SMARCA2: variants seen among roughly 807,000 people sequenced by gnomAD.
SMARCA2 encodes the protein SWI/SNF-related matrix-associated actin-dependent regulator of chromatin subfamily A member 2.
SMARCA2 carries 61 observed loss-of-function variants against 199.8 expected under a neutral mutation model. That is an observed-to-expected ratio of 0.31 (90% CI 0.25 to 0.38). The LOEUF (loss-of-function observed/expected upper bound fraction) is 0.38, where lower values mean the gene tolerates loss of function less well. Among genes scored for constraint, SMARCA2 ranks in the 10% least tolerant of loss-of-function variants. SMARCA2 has a pLI of 1.00. For synonymous variants in SMARCA2, 935 were observed against 732.0 expected (o/e 1.28, Z -4.48); for missense variants, 1,344 against 2,012.2 (o/e 0.67, Z 6.35).
chr9:2,168,182 T>A (rs1197805206), intron 28 of SMARCA2, among the ~76,000 whole-genome samples: 1 of 152,082 alleles, frequency 6.6e-6, no homozygotes, highest in Non-Finnish European at 1.5e-5. Context: ...TGGCTAATTT[T>A]GTATTTTTGG....
At position 2,039,884 on chromosome 9, in the gene SMARCA2, C is replaced by G. The variant is rs1819527453; in HGVS notation, c.774C>G (p.Asn258Lys). 1 of 1,613,782 alleles carries G rather than the reference C, an allele frequency of 6.2e-7. No individual in the cohort carries two copies. The highest frequency in any genetic ancestry group is 8.5e-7 in the Non-Finnish European group (1 of 1,180,000). Reference protein sequence around the residue: ...TQQQQQPALVNYNRPSGPGPE... With the variant: ...TQQQQQPALVKYNRPSGPGPE... ...AACAACAGCAGCCGGCCCTTGTTAACTACAACAGACCATCTGGTAGGTTAA... is the reference window on the plus strand; with the variant it reads ...AACAACAGCAGCCGGCCCTTGTTAAGTACAACAGACCATCTGGTAGGTTAA... Residue 258 changes from asparagine to lysine, a missense_variant, in exon 4 of 34, where the codon AAC becomes AAG. Transcript: ENST00000349721. The surrounding 1 kb of genome is among the most constrained non-coding windows in gnomAD (Gnocchi z 4.8).
chr9:2,154,225 C>T (rs1825222085), intron 27 of SMARCA2, among the ~76,000 whole-genome samples: 1 of 152,186 alleles, frequency 6.6e-6, no homozygotes, highest in African/African-American at 2.4e-5. Flanking sequence ...CACTGAGTGG[C>T]TGTCAACACA....
At chr9:2,188,851 G>C (rs757510951) in intron 32 of SMARCA2, among the ~76,000 whole-genome samples, 1 of 152,110 alleles carries the variant, frequency 6.6e-6, no homozygotes, top group South Asian at 2.1e-4. Flanking sequence ...TCTTGTGTTC[G>C]TAGAAACAAA....
Position 2,101,545 on chromosome 9 carries a change from T to A in SMARCA2, c.3079-25T>A, listed in dbSNP as rs10738570. 265,713 of 1,312,434 alleles carry A rather than the reference T, an allele frequency of 0.2. 30,965 individuals are homozygous for A. Among genetic ancestry groups the A allele is most frequent in the African/African-American group, 0.47 (30,771 of 65,980 alleles). The allele number at this position is 1,312,434 out of a possible 1,614,324, so 81.3% of individuals were successfully genotyped here. ...TTAATAATTACATTTTTTAAAATCA[T>A]TCTTTCTATCTCTCTCTTTTAAAGG... On this transcript the variant is annotated intron_variant, in intron 21 of 33. Coordinates refer to ENST00000349721, the MANE Select transcript of SMARCA2 (RefSeq NM_003070.5).
At position 2,039,548 on chromosome 9, in the gene SMARCA2, T is replaced by C. The variant is rs1014786584; in HGVS notation, c.438T>C (p.Pro146=). 2 of 1,614,108 alleles carry C rather than the reference T, an allele frequency of 1.2e-6. No individual in the cohort carries two copies. The highest frequency in any genetic ancestry group is 8.5e-7 in the Non-Finnish European group (1 of 1,180,014). ...TGTCTGGAGGAGGCCCAACTCCACC[T>C]CAGATGCCACCAAGCCAGCCGGGGG... The part of the protein sequence containing the change: ...SPMSGGGPTP[P]QMPPSQPGAL... The change falls in exon 4 of 34, where the codon CCT becomes CCC. Residue 146 remains proline, a synonymous_variant. Coordinates refer to ENST00000349721, the MANE Select transcript of SMARCA2 (RefSeq NM_003070.5). The surrounding 1 kb of genome is among the most constrained non-coding windows in gnomAD (Gnocchi z 4.8).
intron 27 of SMARCA2, among the ~76,000 whole-genome samples, chr9:2,137,117 C>T (rs982688234): frequency 1.9e-4 from 29 of 152,314 alleles, no homozygotes; most frequent in African/African-American, 7.0e-4. Context: ...AAATGTACAG[C>T]ACGGCCCATT....
intron 27 of SMARCA2, among the ~76,000 whole-genome samples, chr9:2,124,819 AGGG>A (rs1823616771): frequency 6.6e-6 from 1 of 152,126 alleles, no homozygotes; most frequent in African/African-American, 2.4e-5. Flanking sequence ...TTCCATTCGA[AGGG>A]TTAGCTCTAC....
intron 27 of SMARCA2, among the ~76,000 whole-genome samples, chr9:2,149,387 G>A (rs777172871): frequency 6.6e-6 from 1 of 151,278 alleles, no homozygotes; most frequent in Non-Finnish European, 1.5e-5. Flanking sequence ...AGGCATGATG[G>A]TGGGTGCCCG....
intron 12 of SMARCA2, among the ~76,000 whole-genome samples, chr9:2,074,499 C>G (rs993850829): frequency 2.0e-5 from 3 of 152,126 alleles, no homozygotes; most frequent in Non-Finnish European, 2.9e-5. Context: ...CCAAATTAGT[C>G]TTCCATGAGC....
chr9:2,100,935 G>A (rs941954500), intron 21 of SMARCA2, among the ~76,000 whole-genome samples: 8 of 151,972 alleles, frequency 5.3e-5, no homozygotes, highest in Non-Finnish European at 1.0e-4. Context: ...TGAAAGGAAC[G>A]TCTTACATGG....
At chr9:2,184,030 T>C (rs953381761) in intron 31 of SMARCA2, among the ~76,000 whole-genome samples, 3 of 152,204 alleles carry the variant, frequency 2.0e-5, no homozygotes, top group Admixed American at 6.5e-5. Context: ...TTTGTCTTTC[T>C]CTAGCCACCT....
intron 27 of SMARCA2, among the ~76,000 whole-genome samples, chr9:2,155,535 C>T (rs1345020410): frequency 6.6e-6 from 1 of 152,090 alleles, no homozygotes; most frequent in Non-Finnish European, 1.5e-5. Flanking sequence ...CCCGCCTTGG[C>T]CTCCCAAAGT....
At position 2,192,755 on chromosome 9, in the gene SMARCA2, T is replaced by C. The variant is rs768982865; in HGVS notation, c.*16T>C. 1.9e-6 allele frequency: 3 copies of C among 1,595,010 alleles called. No homozygotes were observed. The highest frequency in any genetic ancestry group is 1.7e-6 in the Non-Finnish European group (2 of 1,162,690). On this transcript the variant is annotated 3_prime_UTR_variant, in exon 34 of 34. Coordinates refer to ENST00000349721, the MANE Select transcript of SMARCA2 (RefSeq NM_003070.5). ...TGATGAGTGATCAGTATGGACCTTT[T>C]TCCTTGGTAGAACTGAATTCCTTCC...
rs561759893 is a variant in SMARCA2 at position 2,091,768 on chromosome 9, T to C, written c.2883+3155T>C. On this transcript the variant is annotated intron_variant, in intron 19 of 33. Transcript: ENST00000349721. The stretch of plus-strand genomic sequence containing the variant: ...TCCACATTCTCATTAGTGCTTGCTA[T>C]TGTCAGTTTTTCAAGATTTTTAGCC... Among the ~76,000 whole-genome samples the C allele has an allele frequency of 3.1e-3, 478 of 152,310 alleles. 2 individuals carry two copies. Among genetic ancestry groups the C allele is most frequent in the African/African-American group, 0.011 (445 of 41,560 alleles).
chr9:2,038,984 T>C (rs1293542599), intron 3 of SMARCA2, among the ~76,000 whole-genome samples: 1 of 152,240 alleles, frequency 6.6e-6, no homozygotes, highest in African/African-American at 2.4e-5. Flanking sequence ...TACCATTCAG[T>C]ACTGTCCCTT....
Position 2,097,382 on chromosome 9 carries a change from T to C in SMARCA2, c.2992-3T>C. On this transcript the variant is annotated splice_polypyrimidine_tract_variant and splice_region_variant and intron_variant, in intron 20 of 33. Coordinates refer to ENST00000349721, the MANE Select transcript of SMARCA2 (RefSeq NM_003070.5). ...CTATTTTTCCCTTTCCACTGGTTCT[T>C]AGGGGAAAGGAGGTGCTAAGACACT... 6.3e-7 allele frequency: 1 copy of C among 1,587,264 alleles called. No homozygotes were observed. The highest frequency in any genetic ancestry group is 8.6e-7 in the Non-Finnish European group (1 of 1,157,486).
chr9:2,093,160 G>A (rs896997342), intron 19 of SMARCA2, among the ~76,000 whole-genome samples: 3 of 152,282 alleles, frequency 2.0e-5, no homozygotes, highest in East Asian at 3.9e-4. Flanking sequence ...CTGAATAATA[G>A]TGTGGCAATG....
At chr9:2,018,930 C>G (rs573441481) in intron 1 of SMARCA2, among the ~76,000 whole-genome samples, 1 of 152,188 alleles carries the variant, frequency 6.6e-6, no homozygotes, top group African/African-American at 2.4e-5. Context: ...TGTTAAGAGG[C>G]GTGGCAGATT....
intron 23 of SMARCA2, among the ~76,000 whole-genome samples, chr9:2,107,863 T>G (rs931488081): frequency 6.6e-6 from 1 of 152,156 alleles, no homozygotes; most frequent in Non-Finnish European, 1.5e-5. Context: ...GACACAGGTT[T>G]TGCAAAAGAG....
Sources: allele counts gnomAD v4.1 joint callset (sites outside exome capture counted in the v4.1 genomes callset), GRCh38; gene constraint gnomAD v4.1.1; non-coding constraint Gnocchi (gnomAD v3.1); transcripts MANE v1.5; gene names NCBI Gene and HGNC (gene_info 2026-07-23, HGNC 2026-07-21).